The following OR1J2 variants were observed in gnomAD, a reference collection of about 807,000 sequenced individuals.
The protein encoded by OR1J2 is olfactory receptor 1J2.
For synonymous variants in OR1J2, 142 were observed against 99.7 expected, an observed-to-expected ratio of 1.42 and a Z score of -2.52; for missense variants, 304 against 246.1, an observed-to-expected ratio of 1.24 and a Z score of -1.57.
the OR1J2 span, among the ~76,000 whole-genome samples, chr9:122,490,492 C>T: frequency 6.6e-6 from 1 of 152,102 alleles, no homozygotes; most frequent in Non-Finnish European, 1.5e-5. Flanking sequence ...TTTCTTCTCC[C>T]CTCATGCGTT....
chr9:122,455,095 C>T, the OR1J2 span, among the ~76,000 whole-genome samples: 1 of 152,104 alleles, frequency 6.6e-6, no homozygotes, highest in African/African-American at 2.4e-5. Context: ...ATGAAGATGC[C>T]ACATTTTGTT....
chr9:122,469,925 C>G, the OR1J2 span, among the ~76,000 whole-genome samples: 1 of 152,090 alleles, frequency 6.6e-6, no homozygotes, highest in Admixed American at 6.5e-5. Flanking sequence ...TTGTAAGCAG[C>G]AAAGCACTCA....
the OR1J2 span, chr9:122,519,064 G>T: frequency 1.0e-6 from 1 of 976,420 alleles, no homozygotes; most frequent in Non-Finnish European, 1.6e-6. Flanking sequence ...ATTCTTATCT[G>T]CTGCTGTAAA....
At chr9:122,524,173 A>G in the OR1J2 span, among the ~76,000 whole-genome samples, 1 of 152,198 alleles carries the variant, frequency 6.6e-6, no homozygotes, top group Admixed American at 6.5e-5. Context: ...TACTTACCAT[A>G]GTGTTACAGT....
At chr9:122,504,133 C>T in the OR1J2 span, among the ~76,000 whole-genome samples, 1 of 152,198 alleles carries the variant, frequency 6.6e-6, no homozygotes, top group Non-Finnish European at 1.5e-5. Context: ...AAATTTGCTG[C>T]TGTGTCTATC....
the OR1J2 span, among the ~76,000 whole-genome samples, chr9:122,558,113 G>A: frequency 6.6e-6 from 1 of 151,488 alleles, no homozygotes; most frequent in Admixed American, 6.6e-5. Flanking sequence ...TCCTTAGTTA[G>A]ACTTATTAAT....
At chr9:122,564,381 A>G in the OR1J2 span, among the ~76,000 whole-genome samples, 1 of 152,128 alleles carries the variant, frequency 6.6e-6, no homozygotes, top group Non-Finnish European at 1.5e-5. Flanking sequence ...GAATCCCCAC[A>G]TTTGTTTCCT....
the OR1J2 span, chr9:122,477,113 T>C: frequency 1.1e-5 from 18 of 1,613,988 alleles, no homozygotes; most frequent in East Asian, 8.9e-5. Flanking sequence ...GAAGCAATTA[T>C]GTTCTTGTCA....
the OR1J2 span, chr9:122,526,298 G>A: frequency 9.4e-7 from 1 of 1,059,730 alleles, no homozygotes; most frequent in East Asian, 2.5e-5. Context: ...ACCCCAAAAT[G>A]AAGCCCGTTT....
chr9:122,577,811 C>CAATT, the OR1J2 span, among the ~76,000 whole-genome samples: 534 of 152,304 alleles, frequency 3.5e-3, 2 homozygotes, highest in Non-Finnish European at 4.5e-3. Context: ...AAAATGTTCT[C>CAATT]AATTACATTA....
chr9:122,528,612 A>T, the OR1J2 span, among the ~76,000 whole-genome samples: 2 of 152,198 alleles, frequency 1.3e-5, no homozygotes, highest in African/African-American at 4.8e-5. Context: ...AAATAAATAA[A>T]TAAAGATAAA....
chr9:122,519,498 T>C, the OR1J2 span: 2 of 1,614,184 alleles, frequency 1.2e-6, no homozygotes, highest in Non-Finnish European at 1.7e-6. Flanking sequence ...TTCAATGGCA[T>C]ACGATCGGTA....
chr9:122,486,915 A>G, the OR1J2 span, among the ~76,000 whole-genome samples: 1 of 152,200 alleles, frequency 6.6e-6, no homozygotes, highest in Non-Finnish European at 1.5e-5. Flanking sequence ...AAGCCTTTGC[A>G]TAGATGTATT....
chr9:122,519,009 G>A, the OR1J2 span: 1 of 652,574 alleles, frequency 1.5e-6, no homozygotes, highest in Non-Finnish European at 2.7e-6. Context: ...TAGGGACATA[G>A]CAATGTAGAC....
At chr9:122,575,114 G>T in the OR1J2 span, among the ~76,000 whole-genome samples, 2 of 152,040 alleles carry the variant, frequency 1.3e-5, no homozygotes, top group African/African-American at 2.4e-5. Flanking sequence ...ATTTTGTTTA[G>T]AGTTATGCAT....
At chr9:122,491,503 AG>A in the OR1J2 span, among the ~76,000 whole-genome samples, 12 of 152,130 alleles carry the variant, frequency 7.9e-5, no homozygotes, top group Non-Finnish European at 1.3e-4. Context: ...GACAGACCAC[AG>A]GGAACATTGA....
chr9:122,514,099 C>A (rs1828670862), downstream of OR1J2, among the ~76,000 whole-genome samples: 1 of 152,024 alleles, frequency 6.6e-6, no homozygotes, highest in South Asian at 2.1e-4. Context: ...TGTAAACAGA[C>A]ATGTTTATGA....
At chr9:122,535,753 C>T in the OR1J2 span, among the ~76,000 whole-genome samples, 65 of 152,150 alleles carry the variant, frequency 4.3e-4, no homozygotes, top group African/African-American at 1.3e-3. Flanking sequence ...ATTTCATGTG[C>T]GTCCGTGTGA....
At chr9:122,484,364 G>A in the OR1J2 span, among the ~76,000 whole-genome samples, 15 of 152,076 alleles carry the variant, frequency 9.9e-5, no homozygotes, top group African/African-American at 3.4e-4. Flanking sequence ...GTTTCACCAT[G>A]TTGGCCAGGA....
Sources: gnomAD v4.1 joint callset for allele counts (sites outside exome capture counted in the v4.1 genomes callset) on GRCh38, gnomAD v4.1.1 for gene constraint, MANE v1.5 for transcripts, NCBI Gene and HGNC (gene_info 2026-07-23, HGNC 2026-07-21) for gene names.